Variants in KYAT1 observed in about 807,000 individuals in gnomAD.
KYAT1 encodes the protein kynurenine--oxoglutarate transaminase 1.
KYAT1 carries 47 observed loss-of-function variants against 52.4 expected under a neutral mutation model. The observed-to-expected ratio is 0.90, with a 90% CI of 0.71 to 1.14. The LOEUF (loss-of-function observed/expected upper bound fraction) is 1.14. KYAT1 is among the 50% of genes most tolerant of loss of function. KYAT1 has a pLI of 0.00. For missense variants in KYAT1, 480 were observed against 557.9 expected, an observed-to-expected ratio of 0.86 and a Z score of 1.41; for synonymous variants, 212 against 209.6, an observed-to-expected ratio of 1.01 and a Z score of -0.10.
chr9:128,845,259 C>G (rs1832877922), intron 2 of KYAT1, 94 bp downstream of exon 2: 1 of 949,888 alleles, frequency 1.1e-6, no homozygotes, highest in Non-Finnish European at 1.7e-6. Context: ...TGTACCGCCA[C>G]CATCTGGAGT....
At chr9:128,837,312 C>T (rs762527308) in intron 6 of KYAT1, among the ~76,000 whole-genome samples, 6 of 152,136 alleles carry the variant, frequency 3.9e-5, no homozygotes, top group African/African-American at 4.8e-5. Flanking sequence ...AAATAAATGG[C>T]GAATACAGCC....
intron 1 of KYAT1, among the ~76,000 whole-genome samples, chr9:128,862,975 C>T (rs1158724886): frequency 1.3e-5 from 2 of 152,174 alleles, no homozygotes; most frequent in South Asian, 2.1e-4. Flanking sequence ...CAGACGCGCG[C>T]TACCATGCCC....
At chr9:128,870,461 A>C (rs1007435679) in intron 1 of KYAT1, among the ~76,000 whole-genome samples, 1 of 152,088 alleles carries the variant, frequency 6.6e-6, no homozygotes, top group African/African-American at 2.4e-5. Context: ...ACACGGCAAA[A>C]CCTTGTTTCT....
chr9:128,865,379 T>TTTTTTTTTTTTTTTTG, intron 1 of KYAT1, among the ~76,000 whole-genome samples: 1 of 93,490 alleles, frequency 1.1e-5, no homozygotes, highest in African/African-American at 5.3e-5. Context: ...TTTTTTTTTT[T>TTTTTTTTTTTTTTTTG]GAGACAGAGT....
intron 1 of KYAT1, among the ~76,000 whole-genome samples, chr9:128,863,968 T>C (rs1191811409): frequency 6.6e-6 from 1 of 152,086 alleles, no homozygotes; most frequent in Non-Finnish European, 1.5e-5. Flanking sequence ...AAGCAGGCCT[T>C]CCCTAGTCAG....
intron 1 of KYAT1, among the ~76,000 whole-genome samples, chr9:128,856,824 C>T (rs1834679760): frequency 6.6e-6 from 1 of 152,246 alleles, no homozygotes; most frequent in Non-Finnish European, 1.5e-5. Flanking sequence ...ATGTGATAAT[C>T]TGAAATATGG....
At chr9:128,866,628 C>A (rs1421698823) in intron 1 of KYAT1, among the ~76,000 whole-genome samples, 1 of 148,294 alleles carries the variant, frequency 6.7e-6, no homozygotes, top group African/African-American at 2.5e-5. Flanking sequence ...AGAAAATAGT[C>A]GCCGGGCGCA....
Position 128,876,701 on chromosome 9 carries a change from G to A in KYAT1, c.-7+5196C>T, listed in dbSNP as rs1376929542. Among the ~76,000 whole-genome samples the A allele has an allele frequency of 2.0e-5, 3 of 149,746 alleles. No homozygotes were observed. The Admixed American group carries it at 2.0e-4, about 10-fold the overall frequency. On this transcript the variant is annotated intron_variant, in intron 1 of 12. Coordinates refer to ENST00000302586, the MANE Select transcript of KYAT1 (RefSeq NM_004059.5). ...CCCAAAGTGCTGAGATTACAGGCAT[G>A]AGCCACGGCACCCGGCCTTTTTTTT...
Position 128,835,565 on chromosome 9 carries a change from T to C in KYAT1, c.958A>G (p.Met320Val), listed in dbSNP as rs776875030. 5.6e-6 allele frequency: 9 copies of C among 1,613,450 alleles called. No homozygotes were observed. Among genetic ancestry groups the C allele is most frequent in the South Asian group, 2.2e-5 (2 of 91,090 alleles). The stretch of plus-strand genomic sequence containing the variant: ...CCCACTGACTGTAGGCTACGTATCA[T>C]GTGGTCACGGCAGCGCTGCATGGCC... ...PQAMQRCRDH[M>V]IRSLQSVGLK... Residue 320 changes from methionine (M) to valine (V), a missense_variant, in exon 10 of 13, where the codon ATG becomes GTG. Coordinates refer to ENST00000302586, the MANE Select transcript of KYAT1 (RefSeq NM_004059.5).
rs78138034 is a variant in KYAT1, at chr9:128,836,823, C to T, written c.667G>A (p.Gly223Arg). Residue 223 changes from glycine to arginine, a missense_variant, in exon 7 of 13, where the codon GGG becomes AGG. Gly to Arg is a moderately radical substitution (Grantham distance 125, BLOSUM62 -2). Coordinates refer to ENST00000302586, the MANE Select transcript of KYAT1 (RefSeq NM_004059.5). ...DEVYQWMVYDGHQHISIASLP... is the reference protein window; with the variant it reads ...DEVYQWMVYDRHQHISIASLP... ...TCACCAATGCTGATGTGCTGGTGCC[C>T]GTCGTAGACCATCCACTGGTAGACT... 1.4e-4 allele frequency: 218 copies of T among 1,613,738 alleles called. No homozygotes were observed. Among genetic ancestry groups the T allele is most frequent in the African/African-American group, 2.4e-4 (18 of 75,012 alleles).
At chr9:128,842,953 G>T (rs567333637) in intron 2 of KYAT1, 152 bp from the exon 3 acceptor site, 3 of 653,778 alleles carry the variant, frequency 4.6e-6, no homozygotes, top group South Asian at 2.0e-5. Context: ...GATCACCTGA[G>T]GTCAGGAGTT....
intron 1 of KYAT1, among the ~76,000 whole-genome samples, chr9:128,871,334 A>AAACAG (rs911671855): frequency 1.3e-5 from 2 of 151,026 alleles, no homozygotes; most frequent in African/African-American, 4.9e-5. Context: ...AAACAAAACA[A>AAACAG]AACAAACAAA....
At chr9:128,835,895 G>C in intron 8 of KYAT1, 27 bp from the exon 9 acceptor site, 1 of 1,612,098 alleles carries the variant, frequency 6.2e-7, no homozygotes, top group Non-Finnish European at 8.5e-7. Context: ...GGTAGGGGGA[G>C]AGGTCCTTCC....
intron 3 of KYAT1, among the ~76,000 whole-genome samples, chr9:128,841,279 C>A (rs550734909): frequency 6.6e-6 from 1 of 151,306 alleles, no homozygotes; most frequent in East Asian, 2.0e-4. Flanking sequence ...CCGAGGCAGG[C>A]GAATCACGAG....
chr9:128,841,735 C>T (rs1413115993), intron 3 of KYAT1, among the ~76,000 whole-genome samples: 12 of 149,752 alleles, frequency 8.0e-5, no homozygotes, highest in South Asian at 2.1e-4. Context: ...CAGTGGCTCA[C>T]GCCTGTAATC....
At chr9:128,880,875 A>G (rs918628018) in intron 1 of KYAT1, among the ~76,000 whole-genome samples, 1 of 152,062 alleles carries the variant, frequency 6.6e-6, no homozygotes, top group African/African-American at 2.4e-5. Flanking sequence ...AGCCACGACT[A>G]TCTTCATCAT....
intron 1 of KYAT1, among the ~76,000 whole-genome samples, chr9:128,848,959 C>CA (rs1225041298): frequency 1.3e-5 from 2 of 151,130 alleles, no homozygotes; most frequent in Admixed American, 6.6e-5. Context: ...AATAAAAATA[C>CA]AAAAAATTAG....
chr9:128,856,310 T>C (rs969712015), intron 1 of KYAT1, among the ~76,000 whole-genome samples: 2 of 152,196 alleles, frequency 1.3e-5, no homozygotes, highest in South Asian at 2.1e-4. Flanking sequence ...GAAGTTCCAC[T>C]ATTGCAAATT....
At chr9:128,845,744 G>A (rs1832988089) in intron 1 of KYAT1, among the ~76,000 whole-genome samples, 1 of 152,242 alleles carries the variant, frequency 6.6e-6, no homozygotes, top group Non-Finnish European at 1.5e-5. Flanking sequence ...GTCTGACTCA[G>A]GAAGGGCTGA....
Sources: allele counts gnomAD v4.1 joint callset (sites outside exome capture counted in the v4.1 genomes callset), GRCh38; gene constraint gnomAD v4.1.1; transcripts MANE v1.5; gene names NCBI Gene and HGNC (gene_info 2026-07-23, HGNC 2026-07-21).